MRPL23: variants seen among roughly 807,000 people sequenced by gnomAD.
MRPL23 encodes the protein large ribosomal subunit protein uL23m.
For synonymous variants in MRPL23, 12 were observed against 34.8 expected (o/e 0.35, Z 2.30); for missense variants, 25 against 81.3 (o/e 0.31, Z 2.66).
the MRPL23 span, chr11:1,992,218 C>T: frequency 1.0e-5 from 1 of 98,354 alleles, no homozygotes; most frequent in African/African-American, 2.8e-5. Flanking sequence ...AGAGACCCAC[C>T]AAGTGGAGAC....
downstream of MRPL23, among the ~76,000 whole-genome samples, chr11:1,959,880 C>G (rs1856461783): frequency 1.7e-5 from 2 of 117,536 alleles, 1 homozygote; most frequent in South Asian, 7.7e-4. Context: ...AGCCCTTCCC[C>G]TCGTGGACAT....
At chr11:1,979,023 G>C (rs913724538) in intron 5 of MRPL23, among the ~76,000 whole-genome samples, 1 of 145,972 alleles carries the variant, frequency 6.9e-6, no homozygotes, top group African/African-American at 2.4e-5. Flanking sequence ...CGGCAATAAA[G>C]TGCTGGTTGC....
intron 5 of MRPL23, among the ~76,000 whole-genome samples, chr11:1,978,971 C>CTGTGG (rs2119577768): frequency 7.2e-6 from 1 of 138,202 alleles, no homozygotes; most frequent in South Asian, 2.9e-4. Context: ...TGCGGGAAGG[C>CTGTGG]TGTGGCCCCG....
the MRPL23 span, chr11:1,993,220 C>T: frequency 5.9e-3 from 559 of 94,950 alleles, 49 homozygotes; most frequent in African/African-American, 0.016. Flanking sequence ...CCTTCCCCAG[C>T]GGGTGTGAGG....
rs1055195521 is a variant in MRPL23 at position 1,971,301 on chromosome 11, C to T, written c.298-1258C>T. Among the ~76,000 whole-genome samples, 49 of 107,774 alleles carry T rather than the reference C, an allele frequency of 4.5e-4. 1 individual carries two copies. The highest frequency in any genetic ancestry group is 1.3e-3 in the African/African-American group (48 of 37,086). 70.7% of individuals were successfully genotyped at this position (107,774 alleles called of 152,430 possible). A position where few individuals can be genotyped will look rare whatever the true frequency, so the allele number is the denominator to read the frequency against. Reference sequence around the variant, plus strand: ...CAGCCACACAGAGGGCCCCCCAGTGCGCCCCTGGAACTCCTCTCTCTTCCA... The same window carrying T: ...CAGCCACACAGAGGGCCCCCCAGTGTGCCCCTGGAACTCCTCTCTCTTCCA... On this transcript the variant is annotated intron_variant, in intron 4 of 4. Transcript: ENST00000397294.
In MRPL23 at chr11:1,962,094, C is replaced by G; in HGVS notation, c.298-145C>G. ...GCCCCCAGGCGGTTCCTGCAGGGCG[C>G]TGGGAGCTTGGCCCGGGCTGGGGCT... On this transcript the variant is annotated intron_variant, in intron 4 of 4. Transcript: ENST00000381514. 2.0e-4 allele frequency: 2 copies of G among 9,950 alleles called. 1 individual carries two copies. Among genetic ancestry groups the G allele is most frequent in the African/African-American group, 2.3e-4 (2 of 8,560 alleles). 0.6% of individuals were successfully genotyped at this position (9,950 alleles called of 1,614,324 possible).
At chr11:1,991,633 G>A in the MRPL23 span, among the ~76,000 whole-genome samples, 5 of 138,696 alleles carry the variant, frequency 3.6e-5, 1 homozygote, top group East Asian at 1.0e-3. Context: ...GGGCCACTGG[G>A]GGAGACCATT....
chr11:1,992,609 C>A, the MRPL23 span, among the ~76,000 whole-genome samples: 1 of 47,184 alleles, frequency 2.1e-5, no homozygotes, highest in East Asian at 5.1e-4. Flanking sequence ...ACCCTCACCC[C>A]GGCCCCGCCA....
chr11:1,983,636 C>A (rs1856776101), intron 5 of MRPL23: 1 of 138,310 alleles, frequency 7.2e-6, no homozygotes, highest in African/African-American at 2.6e-5. Flanking sequence ...TTCCCCAGGC[C>A]TCATGTGGGC....
downstream of MRPL23, among the ~76,000 whole-genome samples, chr11:1,966,714 A>G (rs1347769597): frequency 9.4e-6 from 1 of 106,606 alleles, no homozygotes; most frequent in African/African-American, 3.1e-5. Context: ...GTGGCAGAGC[A>G]TGCCAGGCAA....
chr11:1,982,049 AC>A (rs777700775), intron 5 of MRPL23, among the ~76,000 whole-genome samples: 2 of 5,156 alleles, frequency 3.9e-4, no homozygotes, highest in Non-Finnish European at 4.9e-4. Flanking sequence ...CCCGCCAAGC[AC>A]CTCATTTGCC....
At position 1,956,293 on chromosome 11, in the gene MRPL23, C is replaced by G; in HGVS notation, c.335C>G (p.Pro112Arg). 6.5e-7 allele frequency: 1 copy of G among 1,547,446 alleles called. No homozygotes were observed. The highest frequency in any genetic ancestry group is 8.7e-7 in the Non-Finnish European group (1 of 1,144,526). ...GQTFTFPDLF[P>R]EKDESPEGSA... ...ACCTTCACGTTCCCAGATCTGTTTC[C>G]CGAGAAAGACGAGAGCCCTGAAGGC... is the stretch of plus-strand genomic sequence containing the variant. Residue 112 changes from proline to arginine, a missense_variant, in exon 5 of 5, where the codon CCC becomes CGC. By Grantham distance (103) the Pro-to-Arg change is moderately radical (BLOSUM62 -2). Coordinates refer to ENST00000397298, the MANE Select transcript of MRPL23 (RefSeq NM_021134.4).
At chr11:1,991,550 TCACACACA>T in the MRPL23 span, among the ~76,000 whole-genome samples, 199 of 67,804 alleles carry the variant, frequency 2.9e-3, 11 homozygotes, top group Middle Eastern at 0.032. Context: ...TTGTCAGGCA[TCACACACA>T]CACACACACA....
intron 5 of MRPL23, chr11:1,984,051 T>C (rs1856787019): frequency 1.3e-5 from 1 of 78,274 alleles, no homozygotes; most frequent in Non-Finnish European, 2.9e-5. Context: ...CTGGGGGGTG[T>C]GTTTGGGGCA....
chr11:1,977,730 CGTGGCTCA>C (rs1564855598), downstream of MRPL23, among the ~76,000 whole-genome samples: 24 of 84,014 alleles, frequency 2.9e-4, 10 homozygotes, highest in African/African-American at 1.9e-3. Flanking sequence ...TCCGTGGCTC[CGTGGCTCA>C]GTGGCTCAAT....
At chr11:1,989,064 AG>A (rs1193060386), downstream of MRPL23, among the ~76,000 whole-genome samples, 2 of 140,118 alleles carry the variant, frequency 1.4e-5, no homozygotes, top group East Asian at 2.1e-4. Context: ...CTCTTTGGAA[AG>A]GGACAGTCAC....
downstream of MRPL23, among the ~76,000 whole-genome samples, chr11:1,963,958 A>G (rs371400600): frequency 2.6e-4 from 34 of 133,088 alleles, 1 homozygote; most frequent in African/African-American, 8.1e-4. Flanking sequence ...CTCCTCACCA[A>G]TGGGTACCCA....
rs903878874 is a variant in MRPL23, at chr11:1,953,667, G to A, written c.297+812G>A. 6.8e-5 allele frequency among the ~76,000 whole-genome samples: 7 copies of A among 103,014 alleles called. 2 individuals carry two copies. Among genetic ancestry groups the A allele is most frequent in the South Asian group, 8.2e-4 (2 of 2,442 alleles). 67.6% of individuals were successfully genotyped at this position (103,014 alleles called of 152,430 possible). The stretch of plus-strand genomic sequence containing the variant: ...CTGGGTGGGGATGGGGTTGTCTTCC[G>A]GTGTAAATGGTCCCTGGAGGCCGAG... On this transcript the variant is annotated intron_variant, in intron 4 of 4. Transcript: ENST00000397298.
chr11:1,994,583 C>T, the MRPL23 span, among the ~76,000 whole-genome samples: 1 of 96,718 alleles, frequency 1.0e-5, no homozygotes, highest in Non-Finnish European at 2.8e-5. Flanking sequence ...CCGGCTCCCC[C>T]ACAACCCCCT....
Sources: allele counts gnomAD v4.1 joint callset (sites outside exome capture counted in the v4.1 genomes callset), GRCh38; gene constraint gnomAD v4.1.1; transcripts MANE v1.5; gene names NCBI Gene and HGNC (gene_info 2026-07-23, HGNC 2026-07-21).